RGS6: variants seen among roughly 807,000 people sequenced by gnomAD.
RGS6 encodes the protein regulator of G-protein signaling 6.
A neutral mutation model predicts 78.5 loss-of-function variants in RGS6; 30 were observed. The observed-to-expected ratio is 0.38, with a 90% CI of 0.29 to 0.52. The LOEUF is 0.52. Among genes scored for constraint, RGS6 ranks in the 20% least tolerant of loss-of-function variants. The pLI, the probability that RGS6 is intolerant of heterozygous loss-of-function variation, is 0.85. For missense variants in RGS6, 495 were observed against 609.7 expected (o/e 0.81, Z 1.98); for synonymous variants, 206 against 206.0 (o/e 1.00, Z 0.00).
rs1235199796 is a variant in RGS6 at position 72,217,252 on chromosome 14, C to T, written c.85-134843C>T. Among the ~76,000 whole-genome samples the T allele has an allele frequency of 2.0e-5, 3 of 152,290 alleles. No homozygotes were observed. In the East Asian group the frequency reaches 5.8e-4, roughly 29 times the overall value. Reference sequence around the variant, plus strand: ...TTAAAGAGTTTGAGAACACCCAAAACTTTAATCAAGGTGATATGGGAGCAA... The same window carrying T: ...TTAAAGAGTTTGAGAACACCCAAAATTTTAATCAAGGTGATATGGGAGCAA... On this transcript the variant is annotated intron_variant, in intron 2 of 17. Transcript: ENST00000553525.
At chr14:72,568,819 G>A (rs1195486961), downstream of RGS6, among the ~76,000 whole-genome samples, 1 of 152,210 alleles carries the variant, frequency 6.6e-6, no homozygotes, top group African/African-American at 2.4e-5. Flanking sequence ...ACAAGGACCT[G>A]CCTCCGTCCT....
chr14:71,942,050 C>A (rs35479711), intron 1 of RGS6, among the ~76,000 whole-genome samples: 28,402 of 152,032 alleles, frequency 0.19, 2,827 homozygotes, highest in South Asian at 0.25. Context: ...TATTAGTTTT[C>A]TCTTATGGAG....
the RGS6 span, among the ~76,000 whole-genome samples, chr14:71,919,124 T>G: frequency 6.6e-6 from 1 of 152,100 alleles, no homozygotes; most frequent in East Asian, 1.9e-4. Flanking sequence ...AAACTCCAAA[T>G]AAGGAGTCAA....
At chr14:72,328,457 C>G (rs1361025710) in intron 2 of RGS6, among the ~76,000 whole-genome samples, 2 of 152,200 alleles carry the variant, frequency 1.3e-5, no homozygotes, top group African/African-American at 4.8e-5. Flanking sequence ...ATGGTTCCTA[C>G]TTTCACGGTC....
intron 3 of RGS6, among the ~76,000 whole-genome samples, chr14:72,408,586 T>G (rs1195602335): frequency 6.6e-6 from 1 of 152,170 alleles, no homozygotes; most frequent in Non-Finnish European, 1.5e-5. Context: ...AAAGCAAAAC[T>G]CCTTTGCCAT....
At chr14:72,444,056 C>T (rs929317433) in intron 3 of RGS6, among the ~76,000 whole-genome samples, 3 of 152,150 alleles carry the variant, frequency 2.0e-5, no homozygotes, top group Admixed American at 2.0e-4. Context: ...CAAAACTAAT[C>T]TCTCCTCCAC....
chr14:72,222,955 AG>A (rs1399548425), intron 2 of RGS6, among the ~76,000 whole-genome samples: 2 of 152,246 alleles, frequency 1.3e-5, no homozygotes, highest in African/African-American at 4.8e-5. Context: ...TTACTTTAAA[AG>A]GCCTTTCTTC....
At chr14:72,058,373 G>T (rs2093722260) in intron 2 of RGS6, among the ~76,000 whole-genome samples, 1 of 152,072 alleles carries the variant, frequency 6.6e-6, no homozygotes, top group East Asian at 1.9e-4. Context: ...AGTTGAGGGT[G>T]CCTTTTTTTT....
At chr14:72,523,844 A>G (rs941094315) in intron 15 of RGS6, among the ~76,000 whole-genome samples, 12 of 151,146 alleles carry the variant, frequency 7.9e-5, no homozygotes, top group Admixed American at 2.6e-4. Flanking sequence ...ATTTTTTTTT[A>G]AGGACTCAGT....
chr14:72,221,815 C>T (rs112498146), intron 2 of RGS6, among the ~76,000 whole-genome samples: 17 of 152,152 alleles, frequency 1.1e-4, no homozygotes, highest in African/African-American at 2.7e-4. Flanking sequence ...GCCAGAGAGT[C>T]GCTGTGTGCT....
At chr14:72,407,697 C>T (rs1039672807) in intron 3 of RGS6, among the ~76,000 whole-genome samples, 29 of 152,236 alleles carry the variant, frequency 1.9e-4, no homozygotes, top group Non-Finnish European at 3.8e-4. Context: ...ACACAGATGA[C>T]AGAACCTCTC....
intron 12 of RGS6, among the ~76,000 whole-genome samples, chr14:72,488,964 AT>A (rs2096536779): frequency 6.6e-6 from 1 of 152,170 alleles, no homozygotes; most frequent in African/African-American, 2.4e-5. Flanking sequence ...TCATTTTTCA[AT>A]CCCTATGTTC....
Position 72,541,419 on chromosome 14 carries a change from C to T in RGS6, c.1422+1325C>T, listed in dbSNP as rs1186161143. On this transcript the variant is annotated intron_variant, in intron 17 of 17. Transcript: ENST00000553525. The stretch of plus-strand genomic sequence containing the variant: ...ATTAATTAAACATCGGTATCCATCC[C>T]TTCCCTTCCTCGGTCTTCCCTCTCT... 5.9e-6 allele frequency: 9 copies of T among 1,521,850 alleles called. No homozygotes were observed. The Admixed American group carries it at 9.9e-5, about 17-fold the overall frequency. 94.3% of individuals were successfully genotyped at this position (1,521,850 alleles called of 1,614,324 possible). A position where few individuals can be genotyped will look rare whatever the true frequency, so the allele number is the denominator to read the frequency against.
At chr14:72,009,634 G>A (rs1311680006) in intron 2 of RGS6, among the ~76,000 whole-genome samples, 2 of 152,164 alleles carry the variant, frequency 1.3e-5, no homozygotes, top group East Asian at 1.9e-4. Context: ...ATCTGGGGGT[G>A]GTCTTGAGGA....
chr14:72,541,468 A>T, intron 17 of RGS6: 1 of 1,535,568 alleles, frequency 6.5e-7, no homozygotes, highest in Non-Finnish European at 8.7e-7. Flanking sequence ...ATGAGAAATC[A>T]GAATGTGCAG....
At chr14:72,111,893 C>T (rs1302291950) in intron 2 of RGS6, among the ~76,000 whole-genome samples, 11 of 152,194 alleles carry the variant, frequency 7.2e-5, no homozygotes, top group Admixed American at 7.2e-4. Flanking sequence ...GGTAGTTAAT[C>T]TGGGTCCAGG....
chr14:72,249,013 A>T (rs2153836079), intron 2 of RGS6, among the ~76,000 whole-genome samples: 1 of 152,336 alleles, frequency 6.6e-6, no homozygotes, highest in East Asian at 1.9e-4. Context: ...GGAAAAAAAT[A>T]ATCTTCTCCT....
intron 17 of RGS6, among the ~76,000 whole-genome samples, chr14:72,561,610 G>T (rs1010242428): frequency 9.2e-5 from 14 of 152,146 alleles, no homozygotes; most frequent in Non-Finnish European, 1.9e-4. Context: ...ATCTCTCCAG[G>T]GCACATACAC....
At chr14:72,298,451 TTTTTCCC>T (rs1486709094) in intron 2 of RGS6, among the ~76,000 whole-genome samples, 1,185 of 73,584 alleles carry the variant, frequency 0.016, 14 homozygotes, top group African/African-American at 0.13. Context: ...TTTTTTTTTT[TTTTTCCC>T]CCCCTCTGAG....
Sources: gnomAD v4.1 joint callset for allele counts (sites outside exome capture counted in the v4.1 genomes callset) on GRCh38, gnomAD v4.1.1 for gene constraint, MANE v1.5 for transcripts, NCBI Gene and HGNC (gene_info 2026-07-23, HGNC 2026-07-21) for gene names.